DST: variants seen among roughly 807,000 people sequenced by gnomAD.
DST encodes the protein dystonin, also known as bullous pemphigoid antigen.
In DST, 253 loss-of-function variants were observed where a neutral mutation model predicts 875.2. The ratio of observed to expected loss-of-function variants is 0.29; its 90% CI spans 0.26 to 0.32. The LOEUF (loss-of-function observed/expected upper bound fraction) is 0.32. DST is among the 10% of genes least tolerant of loss of function. The pLI, the probability that DST is intolerant of heterozygous loss-of-function variation, is 1.00. For synonymous variants in DST, 3,124 were observed against 3,197.1 expected (o/e 0.98, Z 0.77); for missense variants, 8,287 against 9,111.6 (o/e 0.91, Z 3.68).
At chr6:56,781,415 T>C (rs1222056943) in intron 4 of DST, among the ~76,000 whole-genome samples, 2 of 152,178 alleles carry the variant, frequency 1.3e-5, no homozygotes, top group Non-Finnish European at 2.9e-5. Context: ...TGGTTTGTAG[T>C]TCTCCTTGAA....
chr6:56,590,391 T>C (rs1272926397), intron 49 of DST, among the ~76,000 whole-genome samples: 1 of 152,114 alleles, frequency 6.6e-6, no homozygotes, highest in Non-Finnish European at 1.5e-5. Flanking sequence ...AAATGTGTTA[T>C]TTCTATTTTA....
chr6:56,866,867 C>T (rs1774378726), intron 3 of DST, among the ~76,000 whole-genome samples: 2 of 152,184 alleles, frequency 1.3e-5, no homozygotes, highest in South Asian at 4.1e-4. Context: ...CAAAAGCACC[C>T]ATACTAACTA....
rs765812357 is a variant in DST at position 56,631,912 on chromosome 6, C to G, written c.3934G>C (p.Glu1312Gln). The change falls in exon 29 of 104, where the codon GAA becomes CAA. Residue 1312 changes from glutamate to glutamine, a missense_variant. Transcript: ENST00000680361. Reference sequence around the variant, plus strand: ...TGTTCTGTGATTCTGAACACACTTTCATGCAAATCATCTCTTTCCAGGGGA... The same window carrying G: ...TGTTCTGTGATTCTGAACACACTTTGATGCAAATCATCTCTTTCCAGGGGA... ...RTPLERDDLH[E>Q]SVFRITEQEK... 6.2e-7 allele frequency: 1 copy of G among 1,614,064 alleles called. No homozygotes were observed. Among genetic ancestry groups the G allele is most frequent in the Non-Finnish European group, 8.5e-7 (1 of 1,179,958 alleles).
intron 39 of DST, 21 bp from the exon 40 acceptor site, chr6:56,609,365 T>C (rs1162365033): frequency 6.4e-7 from 1 of 1,554,892 alleles, no homozygotes; most frequent in South Asian, 1.2e-5. Context: ...AATGCAAAAA[T>C]CTCAGGTCAC....
intron 4 of DST, among the ~76,000 whole-genome samples, chr6:56,791,596 C>T (rs771226269): frequency 2.6e-4 from 40 of 151,758 alleles, no homozygotes; most frequent in Non-Finnish European, 5.3e-4. Flanking sequence ...GACCAGCCTA[C>T]GCAACATAGG....
intron 59 of DST, among the ~76,000 whole-genome samples, chr6:56,556,802 C>A (rs950515154): frequency 5.9e-5 from 9 of 152,110 alleles, no homozygotes; most frequent in African/African-American, 2.2e-4. Context: ...ACTAGTCTAA[C>A]TAACACCCTG....
chr6:56,614,207 G>T, intron 37 of DST, 149 bp downstream of exon 37: 1 of 638,402 alleles, frequency 1.6e-6, no homozygotes, highest in South Asian at 5.1e-5. Flanking sequence ...CTTTGGGCAA[G>T]TTATTTAATC....
At chr6:56,696,053 T>A (rs760663102) in intron 9 of DST, among the ~76,000 whole-genome samples, 26 of 152,228 alleles carry the variant, frequency 1.7e-4, no homozygotes, top group Non-Finnish European at 3.5e-4. Context: ...TCCAAATAGA[T>A]TTTGGTCTAA....
At chr6:56,630,171 G>T (rs911194772) in intron 31 of DST, 74 bp downstream of exon 31, 1 of 1,136,694 alleles carries the variant, frequency 8.8e-7, no homozygotes, top group East Asian at 2.4e-5. Context: ...AACACTTGAT[G>T]TTTGAAGATC....
At chr6:56,508,826 T>C (rs1417683704) in intron 74 of DST, 71 bp from the exon 75 acceptor site, 1 of 1,264,192 alleles carries the variant, frequency 7.9e-7, no homozygotes. Flanking sequence ...AATGTTATAG[T>C]TCACACAGAA....
At chr6:56,517,411 T>A in intron 70 of DST, 90 bp downstream of exon 70, 1 of 1,585,996 alleles carries the variant, frequency 6.3e-7, no homozygotes, top group Non-Finnish European at 8.6e-7. Context: ...ACTAGAGGGG[T>A]CTTAAAAAGT....
intron 87 of DST, among the ~76,000 whole-genome samples, chr6:56,486,698 T>C (rs75247916): frequency 0.019 from 2,846 of 152,202 alleles, 36 homozygotes; most frequent in Non-Finnish European, 0.028. Flanking sequence ...GAAGCCTGTG[T>C]TTCAATGCAT....
At chr6:56,484,602 T>C (rs951435284) in intron 88 of DST, 1 of 152,174 alleles carries the variant, frequency 6.6e-6, no homozygotes, top group African/African-American at 2.4e-5. Flanking sequence ...CCAATACAAC[T>C]ATTCTACATT....
At chr6:56,947,235 T>C (rs1310721437) in intron 2 of DST, among the ~76,000 whole-genome samples, 4 of 145,092 alleles carry the variant, frequency 2.8e-5, no homozygotes, top group African/African-American at 1.0e-4. Flanking sequence ...AAATGGTGAT[T>C]TTTTGCTACT....
chr6:56,648,582 A>C lies in DST; in HGVS notation c.1542T>G (p.Pro514=), dbSNP rs758317083. The C allele has an allele frequency of 1.3e-6, 2 of 1,580,052 alleles. No homozygotes were observed. Among genetic ancestry groups the C allele is most frequent in the Admixed American group, 3.6e-5 (2 of 55,326 alleles). The change falls in exon 13 of 104, where the codon CCT becomes CCG. Residue 514 remains proline (P), a synonymous_variant. Coordinates refer to ENST00000680361, the MANE Select transcript of DST (RefSeq NM_001374736.1). The part of the protein sequence containing the change: ...TMSERTFPNN[P]VELKALYNQY... Reference sequence around the variant, plus strand: ...CAGTGACACTAACCTTCAGTTCTACAGGATTATTAGGAAATGTTCTCTCAG... The same window carrying C: ...CAGTGACACTAACCTTCAGTTCTACCGGATTATTAGGAAATGTTCTCTCAG...
At chr6:56,515,759 G>T in intron 71 of DST, 91 bp from the exon 72 acceptor site, 1 of 947,964 alleles carries the variant, frequency 1.1e-6, no homozygotes, top group Non-Finnish European at 1.6e-6. Context: ...CACCTGGACA[G>T]AGTGGGCGTT....
chr6:56,832,855 G>A (rs527662014), intron 4 of DST, among the ~76,000 whole-genome samples: 4 of 152,054 alleles, frequency 2.6e-5, no homozygotes, highest in East Asian at 3.9e-4. Flanking sequence ...TTCTCCTGCC[G>A]CAGCCTCCTG....
At position 56,608,713 on chromosome 6, in the gene DST, G is replaced by T. The variant is rs1359497409; in HGVS notation, c.5915C>A (p.Ala1972Glu). The T allele has an allele frequency of 6.2e-7, 1 of 1,611,912 alleles. No homozygotes were observed. Among genetic ancestry groups the T allele is most frequent in the Non-Finnish European group, 8.5e-7 (1 of 1,178,956 alleles). The change falls in exon 40 of 104, where the codon GCA (alanine) becomes GAA (glutamate). Residue 1972 changes from alanine to glutamate, a missense_variant. Transcript: ENST00000680361. ...ACGGTCTATGAGACCTTCATGAGCT[G>T]CTCTTAAAATGCTTATGTTTCTTCC... is the stretch of plus-strand genomic sequence containing the variant. ...KCGRNISILR[A>E]AHEGLIDRET...
chr6:56,542,341 A>C (rs2097141407), intron 61 of DST, among the ~76,000 whole-genome samples: 1 of 151,372 alleles, frequency 6.6e-6, no homozygotes, highest in African/African-American at 2.4e-5. Flanking sequence ...AGAAAGAAAA[A>C]AACACCAGAC....
Sources: gnomAD v4.1 joint callset for allele counts (sites outside exome capture counted in the v4.1 genomes callset) on GRCh38, gnomAD v4.1.1 for gene constraint, MANE v1.5 for transcripts, NCBI Gene and HGNC (gene_info 2026-07-23, HGNC 2026-07-21) for gene names.